The following BPIFB4 variants were observed in gnomAD, a reference collection of about 807,000 sequenced individuals.
BPIFB4 encodes BPI fold-containing family B member 4.
In BPIFB4, 62 loss-of-function variants were observed where a neutral mutation model predicts 69.2. That is an observed-to-expected ratio of 0.90 (90% CI 0.73 to 1.11). BPIFB4 has a LOEUF of 1.11. Among genes scored for constraint, BPIFB4 ranks in the 50% least tolerant of loss-of-function variants. The probability of loss-of-function intolerance (pLI) is 0.00; values close to 1 mark genes in which losing one functional copy is unlikely to be tolerated. For synonymous variants in BPIFB4, 330 were observed against 332.7 expected, an observed-to-expected ratio of 0.99 and a Z score of 0.09; for missense variants, 789 against 792.0, an observed-to-expected ratio of 1.00 and a Z score of 0.04.
In BPIFB4 at chr20:33,090,694, T is replaced by A. The variant is rs762556191; in HGVS notation, c.1052-14T>A. Reference sequence around the variant, plus strand: ...GTGAGGGGACCTCCCTGTGACCCTCTCCTTTGCCTGCAGCTCTGATTCCTC... The same window carrying A: ...GTGAGGGGACCTCCCTGTGACCCTCACCTTTGCCTGCAGCTCTGATTCCTC... On this transcript the variant is annotated splice_polypyrimidine_tract_variant and intron_variant, in intron 9 of 17. Coordinates refer to ENST00000375483, the MANE Select transcript of BPIFB4 (RefSeq NM_182519.3). 1 of 1,613,854 alleles carries A rather than the reference T, an allele frequency of 6.2e-7. No individual in the cohort carries two copies. The highest frequency in any genetic ancestry group is 1.1e-5 in the South Asian group (1 of 91,054).
chr20:33,111,456 C>A lies in BPIFB4; in HGVS notation c.*19C>A. On this transcript the variant is annotated 3_prime_UTR_variant, in exon 18 of 18. Coordinates refer to ENST00000375483, the MANE Select transcript of BPIFB4 (RefSeq NM_182519.3). The stretch of plus-strand genomic sequence containing the variant: ...CGCATGAGTGACAGAGGCAGAGATG[C>A]TGCTGCAACTGGAAGAAGCTGGAAC... 9 of 1,614,026 alleles carry A rather than the reference C, an allele frequency of 5.6e-6. No homozygotes were observed. The highest frequency in any genetic ancestry group is 6.8e-6 in the Non-Finnish European group (8 of 1,179,918).
At chr20:33,101,517 A>G (rs1459356609) in intron 14 of BPIFB4, among the ~76,000 whole-genome samples, 1 of 152,168 alleles carries the variant, frequency 6.6e-6, no homozygotes, top group Non-Finnish European at 1.5e-5. Flanking sequence ...TGTGCCAGGT[A>G]TTTGGCTAAG....
intron 15 of BPIFB4, 101 bp downstream of exon 15, chr20:33,103,115 A>T: frequency 7.3e-7 from 1 of 1,369,362 alleles, no homozygotes; most frequent in South Asian, 1.2e-5. Flanking sequence ...GGGCATGGGG[A>T]GTTTGTGAAT....
intron 17 of BPIFB4, among the ~76,000 whole-genome samples, chr20:33,108,447 A>G (rs1982139976): frequency 2.0e-5 from 3 of 150,168 alleles, no homozygotes; most frequent in South Asian, 4.2e-4. Context: ...AGACATATAT[A>G]CAATCCAGCA....
intron 5 of BPIFB4, among the ~76,000 whole-genome samples, chr20:33,084,165 T>C (rs1347012677): frequency 6.6e-6 from 1 of 152,232 alleles, no homozygotes; most frequent in East Asian, 1.9e-4. Context: ...GTCATAGTAA[T>C]ACAGTGTAGT....
chr20:33,084,827 G>A (rs1981368856), intron 5 of BPIFB4, 65 bp from the exon 6 acceptor site: 1 of 1,555,302 alleles, frequency 6.4e-7, no homozygotes, highest in Admixed American at 1.8e-5. Flanking sequence ...TGTAGGGGAG[G>A]GCGCTCGGGT....
At chr20:33,100,014 G>T (rs929291973) in intron 13 of BPIFB4, among the ~76,000 whole-genome samples, 1 of 151,914 alleles carries the variant, frequency 6.6e-6, no homozygotes, top group Non-Finnish European at 1.5e-5. Flanking sequence ...GCCCAATCTC[G>T]TCATCTAAAG....
intron 4 of BPIFB4, 103 bp from the exon 5 acceptor site, chr20:33,083,264 C>G: frequency 1.1e-6 from 1 of 948,226 alleles, no homozygotes; most frequent in Non-Finnish European, 1.4e-6. Context: ...TGGGGGGTTG[C>G]TGGGTGGCAG....
intron 17 of BPIFB4, among the ~76,000 whole-genome samples, chr20:33,109,092 C>T (rs2146418450): frequency 6.6e-6 from 1 of 152,248 alleles, no homozygotes; most frequent in South Asian, 2.1e-4. Context: ...CCTGCCTTGG[C>T]CCAGTCTCTT....
chr20:33,089,557 T>C lies in BPIFB4; in HGVS notation c.1050T>C (p.Asp350=), dbSNP rs974385406. 5.0e-6 allele frequency: 8 copies of C among 1,614,080 alleles called. No individual in the cohort carries two copies. The African/African-American group carries it at 5.3e-5, about 11-fold the overall frequency. The change falls in exon 9 of 18, where the codon GAT becomes GAC. Residue 350 remains aspartate, a splice_region_variant and synonymous_variant. Coordinates refer to ENST00000375483, the MANE Select transcript of BPIFB4 (RefSeq NM_182519.3). The part of the protein sequence containing the change: ...GLVNDQLGLV[D]SLIPLGILGS... ...TCAATGACCAGCTGGGCCTCGTGGA[T>C]TGTAAGTCCAATACACTTTCTCCAG...
In BPIFB4 at chr20:33,092,669, GCC is replaced by G; in HGVS notation, c.1344+14_1344+15del. ...ATCACCAATGGCATGGTGAGTCACAGCCCCACCAGGGGGAGGTGGCTGGGCAG... is the reference window on the plus strand; with the variant it reads ...ATCACCAATGGCATGGTGAGTCACAGCCACCAGGGGGAGGTGGCTGGGCAG... On this transcript the variant is annotated intron_variant, in intron 11 of 17. Transcript: ENST00000375483. The G allele has an allele frequency of 6.2e-7, 1 of 1,601,754 alleles. No individual in the cohort carries two copies. Among genetic ancestry groups the G allele is most frequent in the Non-Finnish European group, 8.5e-7 (1 of 1,175,386 alleles).
At chr20:33,104,270 T>A (rs2424955) in intron 15 of BPIFB4, among the ~76,000 whole-genome samples, 85,468 of 152,098 alleles carry the variant, frequency 0.56, 24,539 homozygotes, top group Middle Eastern at 0.62. Context: ...AGGTAACATA[T>A]GAAAAGGCTC....
intron 17 of BPIFB4, among the ~76,000 whole-genome samples, chr20:33,109,083 C>T (rs1982159572): frequency 6.6e-6 from 1 of 152,164 alleles, no homozygotes; most frequent in Non-Finnish European, 1.5e-5. Flanking sequence ...GGACAGTCCC[C>T]TGCCTTGGCC....
At chr20:33,094,170 G>C (rs920720126) in intron 11 of BPIFB4, among the ~76,000 whole-genome samples, 1 of 152,172 alleles carries the variant, frequency 6.6e-6, no homozygotes, top group Admixed American at 6.5e-5. Flanking sequence ...TGCACTTGTC[G>C]TTGTCCCCTT....
chr20:33,095,953 C>G (rs1981741661), intron 12 of BPIFB4, among the ~76,000 whole-genome samples: 1 of 152,158 alleles, frequency 6.6e-6, no homozygotes, highest in Non-Finnish European at 1.5e-5. Context: ...AAGCAAAGGG[C>G]TCTGTACCTA....
At chr20:33,108,001 C>T (rs77879038) in intron 17 of BPIFB4, among the ~76,000 whole-genome samples, 181 bp downstream of exon 17, 159 of 152,260 alleles carry the variant, frequency 1.0e-3, no homozygotes, top group African/African-American at 3.7e-3. Flanking sequence ...GTTAAGGATC[C>T]TTGAAGACAC....
intron 13 of BPIFB4, among the ~76,000 whole-genome samples, chr20:33,099,737 C>T (rs762275555): frequency 7.9e-5 from 12 of 152,172 alleles, no homozygotes; most frequent in Non-Finnish European, 1.5e-4. Flanking sequence ...AGCTTACACC[C>T]CTGGCACGTG....
At chr20:33,103,596 A>G (rs1365652437) in intron 15 of BPIFB4, among the ~76,000 whole-genome samples, 2 of 132,596 alleles carry the variant, frequency 1.5e-5, no homozygotes, top group Non-Finnish European at 3.2e-5. Context: ...ACCCCCACCT[A>G]AGGCTTCAGA....
At chr20:33,087,164 A>G (rs781387204) in intron 7 of BPIFB4, among the ~76,000 whole-genome samples, 2 of 152,194 alleles carry the variant, frequency 1.3e-5, no homozygotes, top group African/African-American at 2.4e-5. Context: ...TTTTAAATTC[A>G]CATTTTCACT....
Sources: allele counts gnomAD v4.1 joint callset (sites outside exome capture counted in the v4.1 genomes callset), GRCh38; gene constraint gnomAD v4.1.1; transcripts MANE v1.5; gene names NCBI Gene and HGNC (gene_info 2026-07-23, HGNC 2026-07-21).